Variants in PAPSS2 observed in about 807,000 individuals in gnomAD.
PAPSS2 encodes the protein bifunctional 3'-phosphoadenosine 5'-phosphosulfate synthase 2.
A neutral mutation model predicts 66.5 loss-of-function variants in PAPSS2; 61 were observed. The observed-to-expected ratio is 0.92, with a 90% CI of 0.75 to 1.14. The LOEUF (loss-of-function observed/expected upper bound fraction) is 1.14, where lower values mean the gene tolerates loss of function less well. PAPSS2 is among the 50% of genes most tolerant of loss of function. PAPSS2 has a pLI of 0.00. For missense variants in PAPSS2, 708 were observed against 789.6 expected, an observed-to-expected ratio of 0.90 and a Z score of 1.24; for synonymous variants, 289 against 287.5, an observed-to-expected ratio of 1.01 and a Z score of -0.05.
intron 9 of PAPSS2, among the ~76,000 whole-genome samples, chr10:87,729,507 G>C (rs921492311): frequency 3.3e-5 from 5 of 152,024 alleles, no homozygotes; most frequent in African/African-American, 1.2e-4. Context: ...TGTGTGTTCT[G>C]CCTTCTCCAC....
intron 8 of PAPSS2, among the ~76,000 whole-genome samples, chr10:87,725,734 C>T (rs867532755): frequency 1.3e-5 from 2 of 152,040 alleles, no homozygotes; most frequent in South Asian, 2.1e-4. Context: ...CTTGCTCTAT[C>T]ACCCAGGCTG....
At chr10:87,709,372 A>G (rs1454931972) in intron 2 of PAPSS2, 59 bp downstream of exon 2, 2 of 1,029,890 alleles carry the variant, frequency 1.9e-6, no homozygotes, top group Non-Finnish European at 3.0e-6. Flanking sequence ...ATGTGACACA[A>G]TTTTATGGAA....
chr10:87,694,575 T>C (rs2131916355), intron 1 of PAPSS2, among the ~76,000 whole-genome samples: 1 of 152,274 alleles, frequency 6.6e-6, no homozygotes, highest in East Asian at 1.9e-4. Flanking sequence ...CCAAGCTGTG[T>C]CCAGGAAATC....
At chr10:87,664,368 C>T (rs1852790059) in intron 1 of PAPSS2, among the ~76,000 whole-genome samples, 1 of 152,158 alleles carries the variant, frequency 6.6e-6, no homozygotes, top group South Asian at 2.1e-4. Context: ...CAACTTTGGC[C>T]AAGAAAGATA....
At chr10:87,742,160 T>C (rs1382650336) in intron 10 of PAPSS2, among the ~76,000 whole-genome samples, 1 of 152,210 alleles carries the variant, frequency 6.6e-6, no homozygotes, top group Admixed American at 6.5e-5. Context: ...ATTAGAACCA[T>C]ATATTAGAAC....
Position 87,746,279 on chromosome 10 carries a change from A to G in PAPSS2, c.*309A>G, listed in dbSNP as rs1458542617. 4.9e-6 allele frequency: 1 copy of G among 203,834 alleles called. No individual in the cohort carries two copies. The highest frequency in any genetic ancestry group is 9.8e-6 in the Non-Finnish European group (1 of 102,402). 12.6% of individuals were successfully genotyped at this position (203,834 alleles called of 1,614,324 possible). A position where few individuals can be genotyped will look rare whatever the true frequency, so the allele number is the denominator to read the frequency against. The stretch of plus-strand genomic sequence containing the variant: ...CCCAGATTTCTTAAGGCTTTGTTTG[A>G]CCATGTGTCTAGTTACTTGCTGAAA... On this transcript the variant is annotated 3_prime_UTR_variant, in exon 13 of 13. Transcript: ENST00000456849.
chr10:87,706,759 AAACAAC>A (rs760847942), intron 1 of PAPSS2, among the ~76,000 whole-genome samples: 3 of 152,092 alleles, frequency 2.0e-5, no homozygotes, highest in African/African-American at 4.8e-5. Flanking sequence ...TCCCTGTCTC[AAACAAC>A]AACAACAACA....
chr10:87,704,172 A>G (rs1016634881), intron 1 of PAPSS2: 1 of 386,398 alleles, frequency 2.6e-6, no homozygotes, highest in Non-Finnish European at 5.0e-6. Flanking sequence ...GACTGAACCA[A>G]AAGAGCCCAG....
chr10:87,680,068 G>C (rs1350974557), intron 1 of PAPSS2, among the ~76,000 whole-genome samples: 1 of 150,712 alleles, frequency 6.6e-6, no homozygotes, highest in Non-Finnish European at 1.5e-5. Context: ...AGTCTCCACT[G>C]TTGTAATGGT....
intron 1 of PAPSS2, among the ~76,000 whole-genome samples, chr10:87,683,328 G>A (rs1327262515): frequency 2.0e-5 from 3 of 151,268 alleles, no homozygotes; most frequent in Non-Finnish European, 4.4e-5. Flanking sequence ...CCTGACCTCA[G>A]GTGATCCACC....
intron 1 of PAPSS2, among the ~76,000 whole-genome samples, chr10:87,683,052 CTTTTTCTTT>C (rs1853042214): frequency 6.6e-6 from 1 of 151,110 alleles, no homozygotes; most frequent in Non-Finnish European, 1.5e-5. Context: ...CTTTCTTTTT[CTTTTTCTTT>C]TTTTTCTTTT....
At chr10:87,701,419 TC>T (rs1174935245) in intron 1 of PAPSS2, among the ~76,000 whole-genome samples, 1 of 124,982 alleles carries the variant, frequency 8.0e-6, no homozygotes, top group East Asian at 2.5e-4. Context: ...TCTCTCTCTC[TC>T]TCTCTCTCTC....
intron 9 of PAPSS2, among the ~76,000 whole-genome samples, chr10:87,735,503 C>T (rs1853786927): frequency 6.6e-6 from 1 of 152,090 alleles, no homozygotes; most frequent in Admixed American, 6.5e-5. Flanking sequence ...CAACTCTAAG[C>T]AATGAGGAGA....
chr10:87,728,199 G>C lies in PAPSS2; in HGVS notation c.1086+710G>C, dbSNP rs1468811297. Among the ~76,000 whole-genome samples the C allele has an allele frequency of 3.3e-5, 5 of 152,170 alleles. No individual in the cohort carries two copies. In the East Asian group the frequency reaches 9.6e-4, roughly 29 times the overall value. On this transcript the variant is annotated intron_variant, in intron 9 of 12. Transcript: ENST00000456849. ...GTGGGATTTTATTAAGTTGCTGGCT[G>C]TGGTTCATTTCCCACAAAGAAAAAT...
At chr10:87,666,574 T>C (rs1247089000) in intron 1 of PAPSS2, among the ~76,000 whole-genome samples, 5 of 152,136 alleles carry the variant, frequency 3.3e-5, no homozygotes, top group African/African-American at 1.2e-4. Flanking sequence ...TCTCTTCCTA[T>C]GCAGACATCC....
intron 1 of PAPSS2, among the ~76,000 whole-genome samples, chr10:87,677,970 A>G (rs2131901878): frequency 6.6e-6 from 1 of 152,198 alleles, no homozygotes; most frequent in East Asian, 1.9e-4. Context: ...TATAAAGAAA[A>G]GGTTTGATGG....
At chr10:87,701,370 T>A (rs58922770) in intron 1 of PAPSS2, among the ~76,000 whole-genome samples, 12 of 116,082 alleles carry the variant, frequency 1.0e-4, no homozygotes, top group South Asian at 6.0e-4. Flanking sequence ...CTTTCTTTCT[T>A]TCTTTCTTTC....
Position 87,746,088 on chromosome 10 carries a change from G to T in PAPSS2, c.*118G>T, listed in dbSNP as rs1853935273. The T allele has an allele frequency of 8.7e-6, 8 of 916,688 alleles. No homozygotes were observed. In the East Asian group the frequency reaches 2.1e-4, roughly 24 times the overall value. The allele number at this position is 916,688 out of a possible 1,614,324, so 56.8% of individuals were successfully genotyped here. On this transcript the variant is annotated 3_prime_UTR_variant, in exon 13 of 13. Coordinates refer to ENST00000456849, the MANE Select transcript of PAPSS2 (RefSeq NM_001015880.2). ...ATGCATTTTAATCTTTTATAATGAA[G>T]TAAAAGTTGTGTCTATAATTAAAAA... is the stretch of plus-strand genomic sequence containing the variant.
intron 8 of PAPSS2, among the ~76,000 whole-genome samples, chr10:87,722,695 A>G (rs112179336): frequency 1.3e-5 from 2 of 152,334 alleles, no homozygotes; most frequent in African/African-American, 4.8e-5. Context: ...TCAGGGTTGA[A>G]AGTCATGGGT....
Sources: gnomAD v4.1 joint callset for allele counts (sites outside exome capture counted in the v4.1 genomes callset) on GRCh38, gnomAD v4.1.1 for gene constraint, MANE v1.5 for transcripts, NCBI Gene and HGNC (gene_info 2026-07-23, HGNC 2026-07-21) for gene names.